Variants in SHLD1 observed in about 807,000 individuals in gnomAD.
SHLD1 encodes the protein shieldin complex subunit 1.
Under a neutral mutation model 5.5 loss-of-function variants are expected in SHLD1, and 3 were observed. The observed-to-expected ratio is 0.54, with a 90% CI of 0.25 to 1.40. SHLD1 has a LOEUF of 1.40. Ranked by LOEUF, SHLD1 falls within the 40% of genes most tolerant of loss-of-function variation. The pLI, the probability that SHLD1 is intolerant of heterozygous loss-of-function variation, is 0.15. For synonymous variants in SHLD1, 92 were observed against 94.3 expected, an observed-to-expected ratio of 0.98 and a Z score of 0.14; for missense variants, 210 against 244.4, an observed-to-expected ratio of 0.86 and a Z score of 0.94.
chr20:5,793,424 C>T (rs1049485981), intron 2 of SHLD1, among the ~76,000 whole-genome samples: 2 of 152,156 alleles, frequency 1.3e-5, no homozygotes, highest in African/African-American at 4.8e-5. Context: ...CCACATTAGG[C>T]CAGGCACAGT....
intron 2 of SHLD1, among the ~76,000 whole-genome samples, chr20:5,856,696 C>G (rs1377419450): frequency 1.3e-5 from 2 of 152,202 alleles, no homozygotes; most frequent in African/African-American, 4.8e-5. Flanking sequence ...GAACATCCCC[C>G]ACTACTCCCT....
intron 2 of SHLD1, among the ~76,000 whole-genome samples, chr20:5,800,363 A>C (rs1189658411): frequency 2.6e-5 from 4 of 152,342 alleles, no homozygotes; most frequent in Non-Finnish European, 4.4e-5. Context: ...GATTTCTTTA[A>C]AGGCTCTTTA....
chr20:5,863,590 A>C lies in SHLD1; in HGVS notation c.*127A>C. The C allele has an allele frequency of 1.0e-6, 1 of 957,186 alleles. No homozygotes were observed. The highest frequency in any genetic ancestry group is 1.7e-5 in the South Asian group (1 of 59,462). The allele number at this position is 957,186 out of a possible 1,614,324, so 59.3% of individuals were successfully genotyped here. A position where few individuals can be genotyped will look rare whatever the true frequency, so the allele number is the denominator to read the frequency against. On this transcript the variant is annotated 3_prime_UTR_variant, in exon 3 of 3. Coordinates refer to ENST00000303142, the MANE Select transcript of SHLD1 (RefSeq NM_152504.4). ...TGCCCAATCCCAATTAAGTGCTTTG[A>C]GGTTAAAGGCTGGCACCTGTGACCT...
chr20:5,835,960 C>T (rs1032103738), intron 2 of SHLD1, among the ~76,000 whole-genome samples: 1 of 152,226 alleles, frequency 6.6e-6, no homozygotes, highest in Non-Finnish European at 1.5e-5. Flanking sequence ...CCTCAATCTA[C>T]TAACATGACC....
intron 1 of SHLD1, among the ~76,000 whole-genome samples, chr20:5,762,713 G>T (rs370345082): frequency 3.9e-5 from 6 of 151,936 alleles, no homozygotes; most frequent in Non-Finnish European, 7.4e-5. Flanking sequence ...GGTGGCTCAC[G>T]TCTGTAATCC....
At chr20:5,824,880 A>G (rs1469377555) in intron 2 of SHLD1, among the ~76,000 whole-genome samples, 3 of 152,256 alleles carry the variant, frequency 2.0e-5, no homozygotes, top group East Asian at 3.9e-4. Context: ...TGACTTCTGT[A>G]CGTACTTTGA....
chr20:5,788,808 C>A (rs2087097065), intron 2 of SHLD1, among the ~76,000 whole-genome samples: 1 of 152,182 alleles, frequency 6.6e-6, no homozygotes, highest in South Asian at 2.1e-4. Flanking sequence ...GGGTTGATTT[C>A]AGGCTAGAAT....
intron 2 of SHLD1, among the ~76,000 whole-genome samples, chr20:5,827,471 C>T (rs2087679627): frequency 6.6e-6 from 1 of 152,146 alleles, no homozygotes; most frequent in Non-Finnish European, 1.5e-5. Context: ...TGCACAGTGC[C>T]CTATGGCACC....
At chr20:5,853,712 G>C (rs1052627662) in intron 2 of SHLD1, among the ~76,000 whole-genome samples, 10 of 152,096 alleles carry the variant, frequency 6.6e-5, no homozygotes, top group African/African-American at 2.4e-4. Context: ...AGTGTCAGAA[G>C]GTTTGCCTGG....
At chr20:5,786,481 GGGA>G (rs944928386) in intron 2 of SHLD1, among the ~76,000 whole-genome samples, 1 of 152,128 alleles carries the variant, frequency 6.6e-6, no homozygotes, top group African/African-American at 2.4e-5. Flanking sequence ...AGGCTGAGGT[GGGA>G]GGATTGCTTG....
intron 2 of SHLD1, among the ~76,000 whole-genome samples, chr20:5,807,302 T>G (rs2087391589): frequency 6.6e-6 from 1 of 152,138 alleles, no homozygotes; most frequent in South Asian, 2.1e-4. Flanking sequence ...TTTTCCTTCT[T>G]TTCTTTTCAT....
intron 2 of SHLD1, among the ~76,000 whole-genome samples, chr20:5,801,148 G>T (rs529796950): frequency 1.3e-5 from 2 of 150,354 alleles, no homozygotes; most frequent in Non-Finnish European, 2.9e-5. Context: ...TGCGATCTTG[G>T]CTCACTGCAA....
intron 2 of SHLD1, among the ~76,000 whole-genome samples, chr20:5,780,179 A>G (rs1985625854): frequency 6.6e-6 from 1 of 151,908 alleles, no homozygotes; most frequent in Non-Finnish European, 1.5e-5. Context: ...AGGTTTTGCC[A>G]TGTTGGCCAG....
intron 2 of SHLD1, among the ~76,000 whole-genome samples, chr20:5,831,982 CT>C (rs1260765676): frequency 1.3e-5 from 2 of 152,160 alleles, no homozygotes; most frequent in East Asian, 3.8e-4. Flanking sequence ...GAGCCTTGCT[CT>C]TTTGCCCAAG....
chr20:5,839,822 G>A (rs2087836102), intron 2 of SHLD1, among the ~76,000 whole-genome samples: 1 of 152,222 alleles, frequency 6.6e-6, no homozygotes, highest in African/African-American at 2.4e-5. Flanking sequence ...TGGAACTAAT[G>A]TGAGGAGCTG....
In SHLD1 at chr20:5,808,430, A is replaced by G. The variant is rs549886597; in HGVS notation, c.178+35387A>G. ...TACATGTGTATATTGTACACACACA[A>G]ACAGCACGTATATCTTTTTTTCTAA... is the stretch of plus-strand genomic sequence containing the variant. On this transcript the variant is annotated intron_variant, in intron 2 of 2. Transcript: ENST00000303142. Among the ~76,000 whole-genome samples the G allele has an allele frequency of 2.6e-5, 4 of 152,356 alleles. No individual in the cohort carries two copies. In the South Asian group the frequency reaches 8.3e-4, roughly 32 times the overall value.
intron 1 of SHLD1, among the ~76,000 whole-genome samples, chr20:5,762,245 G>GA (rs112063830): frequency 0.039 from 5,650 of 143,192 alleles, 135 homozygotes; most frequent in African/African-American, 0.076. Flanking sequence ...CTCTGTCTCA[G>GA]AAAAAAAAAA....
At chr20:5,795,567 C>A (rs371525064) in intron 2 of SHLD1, among the ~76,000 whole-genome samples, 5 of 141,748 alleles carry the variant, frequency 3.5e-5, no homozygotes, top group African/African-American at 8.2e-5. Context: ...CCACTGCACT[C>A]CAGCCTGGGT....
At chr20:5,784,659 C>T (rs562404469) in intron 2 of SHLD1, among the ~76,000 whole-genome samples, 4 of 151,992 alleles carry the variant, frequency 2.6e-5, no homozygotes, top group African/African-American at 4.8e-5. Flanking sequence ...ACCGTGTTAG[C>T]CAGGTTGGTC....
Sources: gnomAD v4.1 joint callset for allele counts (sites outside exome capture counted in the v4.1 genomes callset) on GRCh38, gnomAD v4.1.1 for gene constraint, MANE v1.5 for transcripts, NCBI Gene and HGNC (gene_info 2026-07-23, HGNC 2026-07-21) for gene names.